Variants in ACSBG1 observed in about 807,000 individuals in gnomAD.
ACSBG1 encodes the protein long-chain-fatty-acid--CoA ligase ACSBG1.
ACSBG1 carries 39 observed loss-of-function variants against 80.2 expected under a neutral mutation model. The observed-to-expected ratio is 0.49, with a 90% CI of 0.38 to 0.64. ACSBG1 has a LOEUF of 0.64. ACSBG1 is among the 30% of genes least tolerant of loss of function. The pLI is 0.00. For synonymous variants in ACSBG1, 392 were observed against 379.5 expected, an observed-to-expected ratio of 1.03 and a Z score of -0.38; for missense variants, 828 against 966.4, an observed-to-expected ratio of 0.86 and a Z score of 1.90.
intron 1 of ACSBG1, among the ~76,000 whole-genome samples, chr15:78,219,700 C>A (rs1420638761): frequency 6.6e-6 from 1 of 152,078 alleles, no homozygotes; most frequent in Non-Finnish European, 1.5e-5. Context: ...TTCAAGAAGA[C>A]CTGGCCGGGC....
chr15:78,234,387 CT>C lies in ACSBG1; in HGVS notation c.114del (p.Glu39LysfsTer3). On this transcript the variant is annotated frameshift_variant, in exon 1 of 14. Transcript: ENST00000258873. LOFTEE classifies it high-confidence loss of function. ...SRQDMIVRTT[Q>X]EKLKTSSLTD... is the part of the protein sequence containing the mutation. ...ATGACTTACCTGGTTTTCAATTTTT[CT>C]TGGGTGGTCCTCACAATCATGTCCT... The C allele has an allele frequency of 1.2e-6, 2 of 1,611,906 alleles. No homozygotes were observed. Among genetic ancestry groups the C allele is most frequent in the Non-Finnish European group, 8.5e-7 (1 of 1,180,006 alleles).
At chr15:78,219,695 GA>G (rs11309490) in intron 1 of ACSBG1, among the ~76,000 whole-genome samples, 152,358 of 152,360 alleles carry the variant, frequency 1, 76,178 homozygotes, top group Middle Eastern at 1. Context: ...AAAAATTCAA[GA>G]AGACCTGGCC....
chr15:78,223,912 G>T (rs773268570), intron 1 of ACSBG1, among the ~76,000 whole-genome samples: 3 of 152,176 alleles, frequency 2.0e-5, no homozygotes, highest in Non-Finnish European at 4.4e-5. Flanking sequence ...AGAGATGGGA[G>T]TGATGCAACT....
intron 1 of ACSBG1, among the ~76,000 whole-genome samples, chr15:78,222,291 TA>T (rs979221365): frequency 6.6e-6 from 1 of 152,178 alleles, no homozygotes; most frequent in African/African-American, 2.4e-5. Context: ...TTCTTAGGGC[TA>T]GGGGGATTGA....
chr15:78,202,947 G>A (rs187874967), intron 2 of ACSBG1, among the ~76,000 whole-genome samples: 1 of 152,226 alleles, frequency 6.6e-6, no homozygotes, highest in East Asian at 1.9e-4. Context: ...GTTCATTATG[G>A]TAGAGCCGTA....
intron 1 of ACSBG1, among the ~76,000 whole-genome samples, chr15:78,232,779 G>A (rs2075457958): frequency 6.6e-6 from 1 of 151,924 alleles, no homozygotes; most frequent in African/African-American, 2.4e-5. Context: ...CCACCTCCCG[G>A]GTTCAAGCAA....
At position 78,178,854 on chromosome 15, in the gene ACSBG1, A is replaced by G; in HGVS notation, c.1485-23T>C. 6.3e-7 allele frequency: 1 copy of G among 1,587,090 alleles called. No individual in the cohort carries two copies. Among genetic ancestry groups the G allele is most frequent in the Middle Eastern group, 1.7e-4 (1 of 5,986 alleles). On this transcript the variant is annotated intron_variant, in intron 10 of 13. Transcript: ENST00000258873. The surrounding 1 kb of genome is among the most constrained non-coding windows in gnomAD (Gnocchi z 4.3). ...GAGCTGGCGAGGGAGGGGCCGGGAG[A>G]CTGGTCAGAGGGAGCCGTCTCCTCC...
chr15:78,210,999 C>A (rs1380147187), intron 1 of ACSBG1, among the ~76,000 whole-genome samples: 1 of 152,260 alleles, frequency 6.6e-6, no homozygotes, highest in African/African-American at 2.4e-5. Context: ...ATTCATCTCA[C>A]TCCTACATTG....
intron 9 of ACSBG1, 85 bp from the exon 10 acceptor site, chr15:78,179,865 A>G (rs2074924425): frequency 1.4e-5 from 17 of 1,174,266 alleles, no homozygotes; most frequent in Non-Finnish European, 2.0e-5. Context: ...AAAGGGTGGT[A>G]TGGTGGTATT....
At chr15:78,219,092 G>A (rs754511656) in intron 1 of ACSBG1, among the ~76,000 whole-genome samples, 35 of 152,220 alleles carry the variant, frequency 2.3e-4, no homozygotes, top group African/African-American at 6.5e-4. Context: ...GATTACAGGC[G>A]TGAGCCACTG....
At chr15:78,204,253 T>C (rs1359503271) in intron 2 of ACSBG1, among the ~76,000 whole-genome samples, 2 of 152,196 alleles carry the variant, frequency 1.3e-5, no homozygotes, top group Non-Finnish European at 2.9e-5. Context: ...GTTTTAGCTT[T>C]TTAAAATTGC....
chr15:78,209,925 G>A (rs1281481614), intron 1 of ACSBG1, among the ~76,000 whole-genome samples: 1 of 152,206 alleles, frequency 6.6e-6, no homozygotes, highest in East Asian at 1.9e-4. Flanking sequence ...AAAGGTATGG[G>A]CAGCACTTCT....
intron 2 of ACSBG1, among the ~76,000 whole-genome samples, chr15:78,203,759 G>GA (rs1262905134): frequency 6.6e-6 from 1 of 152,246 alleles, no homozygotes; most frequent in African/African-American, 2.4e-5. Flanking sequence ...AAGGCTGCAG[G>GA]AAAGTAGCTT....
rs778529190 is a variant in ACSBG1, at chr15:78,171,526, G to T, written c.2093C>A (p.Pro698His). 6 of 1,613,718 alleles carry T rather than the reference G, an allele frequency of 3.7e-6. No individual in the cohort carries two copies. In the African/African-American group the frequency reaches 8.0e-5, roughly 22 times the overall value. ...DFSISGGELGPTMKLKRLTVL... is the reference protein window; with the variant it reads ...DFSISGGELGHTMKLKRLTVL... ...TGTGAGCCGTTTCAGTTTCATCGTG[G>T]GACCTAAAAGGGAAATGAGAAGAAA... is the stretch of plus-strand genomic sequence containing the variant. Residue 698 changes from proline (P) to histidine (H), a missense_variant, in exon 14 of 14, where the codon CCC becomes CAC. By Grantham distance (77) the Pro-to-His change is moderately conservative. Around this residue, in one of 3 missense-constraint regions of ACSBG1, gnomAD observed 201 missense variants for 227.0 expected, o/e 0.89. Transcript: ENST00000258873.
intron 5 of ACSBG1, among the ~76,000 whole-genome samples, chr15:78,191,488 C>T (rs975548193): frequency 4.6e-5 from 7 of 152,184 alleles, no homozygotes; most frequent in Admixed American, 1.3e-4. Flanking sequence ...GGAACATTCA[C>T]CAAAATTGAT....
In ACSBG1 at chr15:78,182,496, G is replaced by T; in HGVS notation, c.864C>A (p.Asn288Lys). 8 of 1,614,206 alleles carry T rather than the reference G, an allele frequency of 5.0e-6. No individual in the cohort carries two copies. The highest frequency in any genetic ancestry group is 6.8e-6 in the Non-Finnish European group (8 of 1,180,032). The change falls in exon 7 of 14, where the codon AAC becomes AAA. Residue 288 changes from asparagine to lysine, a missense_variant. Asn to Lys is a moderately conservative substitution (Grantham distance 94, BLOSUM62 0). Transcript: ENST00000258873. ...VLVYTSGTTGNPKGVMLSQDN... is the reference protein window; with the variant it reads ...VLVYTSGTTGKPKGVMLSQDN... ...CTTGACTCAGCATCACGCCCTTGGG[G>T]TTCCCAGTGGTGCCGGAAGTGTAGA...
intron 1 of ACSBG1, chr15:78,213,780 C>A (rs1312799489): frequency 6.6e-6 from 1 of 152,268 alleles, no homozygotes; most frequent in Non-Finnish European, 1.5e-5. Context: ...GGGCGAGAAG[C>A]TCGTCTTTTT....
chr15:78,183,261 T>A (rs1359590176), intron 5 of ACSBG1, among the ~76,000 whole-genome samples: 1 of 152,230 alleles, frequency 6.6e-6, no homozygotes. Context: ...AATATATGTA[T>A]GCAAACAAGT....
intron 1 of ACSBG1, among the ~76,000 whole-genome samples, chr15:78,231,088 G>C (rs2075442976): frequency 6.6e-6 from 1 of 152,098 alleles, no homozygotes; most frequent in South Asian, 2.1e-4. Context: ...TGAGTAGCTG[G>C]GACCACAGGT....
Sources: gnomAD v4.1 joint callset for allele counts (sites outside exome capture counted in the v4.1 genomes callset) on GRCh38, gnomAD v4.1.1 for gene constraint, gnomAD v4.1.1 regional missense constraint, Gnocchi (gnomAD v3.1) non-coding constraint, MANE v1.5 for transcripts, NCBI Gene and HGNC (gene_info 2026-07-23, HGNC 2026-07-21) for gene names.